Variants in RBFOX1 observed in about 807,000 individuals in gnomAD.
The protein encoded by RBFOX1 is RNA binding protein fox-1 homolog 1.
RBFOX1 carries 8 observed loss-of-function variants against 57.7 expected under a neutral mutation model. The observed-to-expected ratio is 0.14, with a 90% CI of 0.08 to 0.25. The LOEUF is 0.25. RBFOX1 is among the 10% of genes least tolerant of loss of function. The probability of loss-of-function intolerance (pLI) is 1.00; values close to 1 mark genes in which losing one functional copy is unlikely to be tolerated. For missense variants in RBFOX1, 611 were observed against 548.5 expected, an observed-to-expected ratio of 1.11 and a Z score of -1.14; for synonymous variants, 326 against 222.4, an observed-to-expected ratio of 1.47 and a Z score of -4.15.
chr16:5,474,676 G>C (rs2069260082), intron 2 of RBFOX1, among the ~76,000 whole-genome samples: 2 of 151,960 alleles, frequency 1.3e-5, no homozygotes, highest in African/African-American at 4.8e-5. Context: ...AAATACTCCC[G>C]GACATTTGTA....
Position 7,617,694 on chromosome 16 carries a change from G to A in RBFOX1, c.676+10356G>A, listed in dbSNP as rs79442507. On this transcript the variant is annotated intron_variant, in intron 10 of 15. Transcript: ENST00000550418. ...TTATTGCAGAATTATAGTATCGGGC[G>A]CTAGACACTGTGCTAGGTGCCGAGG... 5.9e-4 allele frequency among the ~76,000 whole-genome samples: 90 copies of A among 152,196 alleles called. No homozygotes were observed. In the East Asian group the frequency reaches 0.016, roughly 27 times the overall value.
chr16:7,047,123 C>T (rs1037538451), intron 3 of RBFOX1, among the ~76,000 whole-genome samples: 4 of 149,000 alleles, frequency 2.7e-5, no homozygotes, highest in Admixed American at 6.7e-5. Context: ...TTAACATTTA[C>T]TCATATGTTT....
At chr16:6,091,344 C>G (rs1182122377) in intron 1 of RBFOX1, among the ~76,000 whole-genome samples, 1 of 152,170 alleles carries the variant, frequency 6.6e-6, no homozygotes, top group Non-Finnish European at 1.5e-5. Flanking sequence ...TTGTCTGACC[C>G]CCTTCCCTAT....
intron 3 of RBFOX1, among the ~76,000 whole-genome samples, chr16:6,872,894 T>C (rs991023291): frequency 1.3e-5 from 2 of 152,178 alleles, no homozygotes; most frequent in Non-Finnish European, 2.9e-5. Flanking sequence ...ATTGTGCTAT[T>C]AGGAAGAAAG....
At chr16:5,525,246 T>C (rs895037586) in intron 2 of RBFOX1, among the ~76,000 whole-genome samples, 2 of 152,162 alleles carry the variant, frequency 1.3e-5, no homozygotes, top group African/African-American at 4.8e-5. Flanking sequence ...GTCTGATCAC[T>C]GTTCCTCAGC....
chr16:7,309,678 T>C (rs1239253457), intron 4 of RBFOX1, among the ~76,000 whole-genome samples: 1 of 152,198 alleles, frequency 6.6e-6, no homozygotes, highest in East Asian at 1.9e-4. Context: ...AGAGGAAACA[T>C]AATGCTTGTT....
At chr16:6,036,284 G>C (rs2095364014) in intron 1 of RBFOX1, among the ~76,000 whole-genome samples, 1 of 152,186 alleles carries the variant, frequency 6.6e-6, no homozygotes. Context: ...AGTAACTTCT[G>C]ATGTATAAAG....
intron 3 of RBFOX1, among the ~76,000 whole-genome samples, chr16:5,688,753 G>A (rs1348469133): frequency 6.6e-6 from 1 of 152,218 alleles, no homozygotes; most frequent in Non-Finnish European, 1.5e-5. Flanking sequence ...ACAAAAAGGA[G>A]AATTTATTGG....
At chr16:7,459,344 A>G (rs1342437671) in intron 4 of RBFOX1, among the ~76,000 whole-genome samples, 2 of 152,204 alleles carry the variant, frequency 1.3e-5, no homozygotes, top group East Asian at 1.9e-4. Flanking sequence ...GGCATGGGCA[A>G]TTGTTACCTT....
At chr16:6,901,421 AAC>A (rs1276564664) in intron 3 of RBFOX1, among the ~76,000 whole-genome samples, 1 of 152,112 alleles carries the variant, frequency 6.6e-6, no homozygotes, top group African/African-American at 2.4e-5. Context: ...GGAAGACAAT[AAC>A]ACAGAGTCCA....
At chr16:7,315,080 A>G (rs1409369993) in intron 4 of RBFOX1, among the ~76,000 whole-genome samples, 1 of 116,670 alleles carries the variant, frequency 8.6e-6, no homozygotes, top group African/African-American at 3.2e-5. Flanking sequence ...AGATACCAGC[A>G]GAGAAAAGCT....
intron 5 of RBFOX1, among the ~76,000 whole-genome samples, chr16:7,528,444 G>C (rs2079195440): frequency 6.6e-6 from 1 of 152,266 alleles, no homozygotes; most frequent in Admixed American, 6.5e-5. Context: ...AATTCCCTCT[G>C]CATAGCTGAT....
chr16:6,646,687 C>A (rs1318748506), intron 2 of RBFOX1, among the ~76,000 whole-genome samples: 1 of 152,014 alleles, frequency 6.6e-6, no homozygotes, highest in Non-Finnish European at 1.5e-5. Flanking sequence ...AGCTGCTTTT[C>A]CTCACCTCGT....
At chr16:5,432,107 G>C (rs545282423) in intron 1 of RBFOX1, among the ~76,000 whole-genome samples, 1 of 152,172 alleles carries the variant, frequency 6.6e-6, no homozygotes, top group Non-Finnish European at 1.5e-5. Context: ...TTCAGGCCAA[G>C]GGAGCCCCTT....
chr16:5,705,998 C>A (rs1364539175), intron 3 of RBFOX1, among the ~76,000 whole-genome samples: 4 of 152,154 alleles, frequency 2.6e-5, no homozygotes, highest in African/African-American at 9.7e-5. Context: ...GCAACCTCTG[C>A]CTCCCAGGTT....
intron 4 of RBFOX1, among the ~76,000 whole-genome samples, chr16:7,244,422 C>A (rs1206022863): frequency 1.3e-5 from 2 of 152,148 alleles, no homozygotes; most frequent in Non-Finnish European, 2.9e-5. Flanking sequence ...TTTCAGCACA[C>A]ATCTTTGTCA....
chr16:7,670,098 C>G (rs572084642), intron 13 of RBFOX1, among the ~76,000 whole-genome samples: 85 of 152,162 alleles, frequency 5.6e-4, no homozygotes, highest in Non-Finnish European at 6.0e-4. Flanking sequence ...GTGGCATGAT[C>G]TCAGCTCACT....
intron 4 of RBFOX1, among the ~76,000 whole-genome samples, chr16:7,385,916 T>C (rs74914394): frequency 0.14 from 12,257 of 90,218 alleles, 542 homozygotes; most frequent in East Asian, 0.32. Flanking sequence ...CCATGCCCAG[T>C]TACTTATTTA....
chr16:5,900,450 A>T (rs2058279615), intron 4 of RBFOX1, among the ~76,000 whole-genome samples: 1 of 152,180 alleles, frequency 6.6e-6, no homozygotes. Flanking sequence ...CTGCAAGGAG[A>T]TTTATTTCAG....
Sources: gnomAD v4.1 joint callset for allele counts (sites outside exome capture counted in the v4.1 genomes callset) on GRCh38, gnomAD v4.1.1 for gene constraint, MANE v1.5 for transcripts, NCBI Gene and HGNC (gene_info 2026-07-23, HGNC 2026-07-21) for gene names.